Variants in DCAF5 observed in about 807,000 individuals in gnomAD.
DCAF5 encodes the protein DDB1 and CUL4 associated factor 5, also known as DDB1- and CUL4-associated factor 5.
Under a neutral mutation model 80.7 loss-of-function variants are expected in DCAF5, and 9 were observed. That is an observed-to-expected ratio of 0.11 (90% CI 0.07 to 0.19). The LOEUF (loss-of-function observed/expected upper bound fraction) is 0.19, where lower values mean the gene tolerates loss of function less well. DCAF5 is among the 10% of genes least tolerant of loss of function. The pLI is 1.00. For synonymous variants in DCAF5, 433 were observed against 461.9 expected (o/e 0.94, Z 0.80); for missense variants, 842 against 1,205.7 (o/e 0.70, Z 4.47).
chr14:69,057,597 GAA>G (rs1237098352), intron 8 of DCAF5, among the ~76,000 whole-genome samples: 1 of 152,202 alleles, frequency 6.6e-6, no homozygotes, highest in Non-Finnish European at 1.5e-5. Flanking sequence ...CTTCAGGAAT[GAA>G]AGTCATAACA....
intron 1 of DCAF5, 127 bp from the exon 2 acceptor site, chr14:69,122,487 A>AGTTG: frequency 1.0e-6 from 1 of 994,266 alleles, no homozygotes; most frequent in Non-Finnish European, 1.4e-6. Context: ...ATTCGCATGG[A>AGTTG]GCACAAAAAC....
At chr14:69,073,448 T>C (rs1327792907) in intron 7 of DCAF5, among the ~76,000 whole-genome samples, 1 of 152,126 alleles carries the variant, frequency 6.6e-6, no homozygotes, top group African/African-American at 2.4e-5. Context: ...TACTTCGTTA[T>C]TGCAGCTCTG....
In DCAF5 at chr14:69,135,897, T is replaced by C. The variant is rs576238303; in HGVS notation, c.215-13537A>G. Among the ~76,000 whole-genome samples the C allele has an allele frequency of 3.3e-5, 5 of 152,294 alleles. No individual in the cohort carries two copies. The South Asian group carries it at 1.0e-3, about 32-fold the overall frequency. ...ATCGATGTATGATGTTATAAAATGA[T>C]GCATGGGAGGAAAGACCCAAAGTTT... On this transcript the variant is annotated intron_variant, in intron 1 of 8. Coordinates refer to ENST00000341516, the MANE Select transcript of DCAF5 (RefSeq NM_003861.3).
At chr14:69,084,918 G>C (rs2039259548) in intron 6 of DCAF5, 4 of 1,415,934 alleles carry the variant, frequency 2.8e-6, no homozygotes, top group Non-Finnish European at 4.0e-6. Context: ...TCATCGTGTG[G>C]GTAGAACAGC....
intron 5 of DCAF5, among the ~76,000 whole-genome samples, chr14:69,101,152 G>GT (rs1454281823): frequency 2.0e-5 from 3 of 152,146 alleles, no homozygotes; most frequent in African/African-American, 4.8e-5. Context: ...ATAGAAGCAA[G>GT]TTTTTTCTGC....
intron 5 of DCAF5, among the ~76,000 whole-genome samples, chr14:69,099,668 C>A (rs998669417): frequency 1.3e-5 from 2 of 152,248 alleles, no homozygotes; most frequent in African/African-American, 2.4e-5. Context: ...CCTGGCTGGG[C>A]ATGGTGGTTC....
Position 69,055,284 on chromosome 14 carries a change from A to C in DCAF5, c.1402T>G (p.Ser468Ala). ...GACTCATCTACTGTGGGAGGCGGGG[A>C]GCGAGGCAATGAGGCCGAAGACTCT... ...DSESSASLPR[S>A]PPPTVDESAD... is the part of the protein sequence containing the mutation. The change falls in exon 9 of 9, where the codon TCC (serine) becomes GCC (alanine). Residue 468 changes from serine to alanine, a missense_variant. By Grantham distance (99) the Ser-to-Ala change is moderately conservative (BLOSUM62 1). Around this residue, in one of 5 missense-constraint regions of DCAF5, gnomAD observed 607 missense variants for 656.6 expected, o/e 0.92. Transcript: ENST00000341516. This position sits in a 1 kb window ranked among gnomAD's most constrained non-coding sequence, Gnocchi z 5.6. 1 of 1,614,114 alleles carries C rather than the reference A, an allele frequency of 6.2e-7. No individual in the cohort carries two copies. Among genetic ancestry groups the C allele is most frequent in the Non-Finnish European group, 8.5e-7 (1 of 1,180,016 alleles).
rs1357056334 is a variant in DCAF5 at position 69,054,903 on chromosome 14, G to T, written c.1783C>A (p.Arg595=). Residue 595 remains arginine (R), a synonymous_variant, in exon 9 of 9, where the codon CGA becomes AGA. Transcript: ENST00000341516. ...NAMRRRQKTT[R]EDKPSAPIKP... ...ATTGGGGCACTGGGCTTGTCTTCTC[G>T]GGTTGTCTTCTGTCGGCGCCGCATG... 1 of 1,614,170 alleles carries T rather than the reference G, an allele frequency of 6.2e-7. No individual in the cohort carries two copies. The highest frequency in any genetic ancestry group is 1.1e-5 in the South Asian group (1 of 91,080).
intron 5 of DCAF5, among the ~76,000 whole-genome samples, chr14:69,115,014 A>G (rs1298850656): frequency 6.6e-6 from 1 of 152,198 alleles, no homozygotes; most frequent in African/African-American, 2.4e-5. Flanking sequence ...TAGGAGAGAT[A>G]GTAGGTTGAG....
intron 1 of DCAF5, among the ~76,000 whole-genome samples, chr14:69,132,081 T>G (rs1595051963): frequency 6.6e-6 from 1 of 152,346 alleles, no homozygotes; most frequent in East Asian, 1.9e-4. Flanking sequence ...TTCAGCTTTG[T>G]GAATAATGCC....
intron 6 of DCAF5, chr14:69,085,369 C>T: frequency 8.1e-6 from 5 of 620,634 alleles, no homozygotes; most frequent in South Asian, 1.5e-5. Context: ...AACATCCAAC[C>T]GCAGGCAGTT....
chr14:69,080,479 A>AT (rs1475849071), intron 6 of DCAF5, among the ~76,000 whole-genome samples: 6 of 152,378 alleles, frequency 3.9e-5, no homozygotes, highest in Non-Finnish European at 4.4e-5. Context: ...CACAGTAATT[A>AT]TTTCAATTAA....
chr14:69,074,672 T>A (rs1360912809), intron 7 of DCAF5, among the ~76,000 whole-genome samples: 1 of 152,060 alleles, frequency 6.6e-6, no homozygotes, highest in Admixed American at 6.6e-5. Flanking sequence ...ACCAACTGTT[T>A]GTAGAATAAT....
In DCAF5 at chr14:69,118,144, T is replaced by C; in HGVS notation, c.530A>G (p.His177Arg). The stretch of plus-strand genomic sequence containing the variant: ...CATTTGCACAGTGAGCCTACCTCCA[T>C]GGGGGGATTCCCGAATGTCCCAAAT... ...VLIWDIRESP[H>R]GEPFCLANYP... The change falls in exon 4 of 9, where the codon CAT becomes CGT. Residue 177 changes from histidine to arginine, a missense_variant. Around this residue, in one of 5 missense-constraint regions of DCAF5, gnomAD observed 142 missense variants for 311.9 expected, o/e 0.46. Transcript: ENST00000341516. The surrounding 1 kb of genome is among the most constrained non-coding windows in gnomAD (Gnocchi z 4.0). 2.5e-6 allele frequency: 4 copies of C among 1,613,902 alleles called. No homozygotes were observed. Among genetic ancestry groups the C allele is most frequent in the Non-Finnish European group, 3.4e-6 (4 of 1,179,852 alleles).
Position 69,055,678 on chromosome 14 carries a change from TAAAG to T in DCAF5, c.1075-71_1075-68del. 4.0e-6 allele frequency: 6 copies of T among 1,487,162 alleles called. No individual in the cohort carries two copies. The South Asian group carries it at 6.5e-5, about 16-fold the overall frequency. The allele number at this position is 1,487,162 out of a possible 1,614,324, so 92.1% of individuals were successfully genotyped here. ...GAAAGTATTCTTTCACTGGTGGTGA[TAAAG>T]AACACCAAGGCAGAACTTCCCCAGA... On this transcript the variant is annotated intron_variant, in intron 8 of 8. Coordinates refer to ENST00000341516, the MANE Select transcript of DCAF5 (RefSeq NM_003861.3). The surrounding 1 kb of genome is among the most constrained non-coding windows in gnomAD (Gnocchi z 5.6).
intron 5 of DCAF5, among the ~76,000 whole-genome samples, chr14:69,095,698 C>T (rs1226824412): frequency 6.6e-6 from 1 of 152,124 alleles, no homozygotes; most frequent in Non-Finnish European, 1.5e-5. Flanking sequence ...AGTGATTGAG[C>T]GTATCACTTC....
chr14:69,132,036 TCATC>T (rs562670918), intron 1 of DCAF5, among the ~76,000 whole-genome samples: 23 of 152,318 alleles, frequency 1.5e-4, no homozygotes, highest in Middle Eastern at 3.4e-3. Context: ...GTTTATCTAT[TCATC>T]CACTGATGGA....
At chr14:69,097,996 A>G (rs529793574) in intron 5 of DCAF5, among the ~76,000 whole-genome samples, 3 of 152,222 alleles carry the variant, frequency 2.0e-5, no homozygotes, top group African/African-American at 7.2e-5. Flanking sequence ...TGAACCATGA[A>G]TCTAATCCTA....
chr14:69,090,092 C>A (rs2039478371), intron 6 of DCAF5: 3 of 985,156 alleles, frequency 3.0e-6, no homozygotes, highest in Non-Finnish European at 3.6e-6. Flanking sequence ...ATCACCTTCA[C>A]TGCATGCTCT....
Sources: allele counts gnomAD v4.1 joint callset (sites outside exome capture counted in the v4.1 genomes callset), GRCh38; gene constraint gnomAD v4.1.1; regional missense constraint gnomAD v4.1.1; non-coding constraint Gnocchi (gnomAD v3.1); transcripts MANE v1.5; gene names NCBI Gene and HGNC (gene_info 2026-07-23, HGNC 2026-07-21).